Variants in PTPRJ observed in about 807,000 individuals in gnomAD.
PTPRJ encodes receptor-type tyrosine-protein phosphatase eta.
Under a neutral mutation model 141.3 loss-of-function variants are expected in PTPRJ, and 129 were observed. The ratio of observed to expected loss-of-function variants is 0.91; its 90% CI spans 0.79 to 1.06. The LOEUF is 1.06. Among genes scored for constraint, PTPRJ ranks in the 50% least tolerant of loss-of-function variants. The pLI is 0.00. For missense variants in PTPRJ, 1,601 were observed against 1,679.7 expected (o/e 0.95, Z 0.82); for synonymous variants, 610 against 640.5 (o/e 0.95, Z 0.72).
chr11:48,036,811 C>T lies in PTPRJ; in HGVS notation c.96+55803C>T, dbSNP rs368500759. On this transcript the variant is annotated intron_variant, in intron 1 of 24. Coordinates refer to ENST00000418331, the MANE Select transcript of PTPRJ (RefSeq NM_002843.4). The stretch of plus-strand genomic sequence containing the variant: ...TTTTACCTATCAGAATTCTAGAACT[C>T]TCCCAGAGAAACCAGGCAGATACTG... Among the ~76,000 whole-genome samples, 25 of 152,324 alleles carry T rather than the reference C, an allele frequency of 1.6e-4. No homozygotes were observed. In the East Asian group the frequency reaches 2.3e-3, roughly 14 times the overall value.
At chr11:47,983,877 CT>C (rs1378795349) in intron 1 of PTPRJ, among the ~76,000 whole-genome samples, 1 of 152,032 alleles carries the variant, frequency 6.6e-6, no homozygotes, top group Admixed American at 6.6e-5. Context: ...TTTATCTTCA[CT>C]TTCTTGTTTC....
chr11:48,017,785 A>G (rs1854989441), intron 1 of PTPRJ, among the ~76,000 whole-genome samples: 1 of 152,208 alleles, frequency 6.6e-6, no homozygotes, highest in Non-Finnish European at 1.5e-5. Flanking sequence ...TGGGTGATGG[A>G]CCAGAGATAA....
At position 48,145,180 on chromosome 11, in the gene PTPRJ, C is replaced by A. The variant is rs1205771291; in HGVS notation, c.2911+56C>A. 6 of 1,607,596 alleles carry A rather than the reference C, an allele frequency of 3.7e-6. No homozygotes were observed. In the Admixed American group the frequency reaches 1.0e-4, roughly 27 times the overall value. ...TTCAGTGGCATTTTGCTCCACGTGTCCATAGAAGGCCAGCTGTGTACATGC... is the reference window on the plus strand; with the variant it reads ...TTCAGTGGCATTTTGCTCCACGTGTACATAGAAGGCCAGCTGTGTACATGC... On this transcript the variant is annotated intron_variant, in intron 14 of 24. Transcript: ENST00000418331.
intron 1 of PTPRJ, among the ~76,000 whole-genome samples, chr11:48,101,231 C>T (rs761807473): frequency 3.9e-5 from 6 of 152,150 alleles, no homozygotes; most frequent in South Asian, 2.1e-4. Context: ...GTCACGGGTC[C>T]GGGGACATCC....
At chr11:48,136,878 C>A in intron 9 of PTPRJ, 125 bp from the exon 10 acceptor site, 1 of 956,924 alleles carries the variant, frequency 1.0e-6, no homozygotes. Context: ...ATCTTTTGAG[C>A]CAGCAAATAC....
chr11:48,025,692 C>T (rs1240411724), intron 1 of PTPRJ, among the ~76,000 whole-genome samples: 1 of 152,250 alleles, frequency 6.6e-6, no homozygotes, highest in Non-Finnish European at 1.5e-5. Flanking sequence ...CTGCTCCCTA[C>T]AGCTTAAGTC....
chr11:48,055,807 C>T (rs906644510), intron 1 of PTPRJ, among the ~76,000 whole-genome samples: 2 of 152,232 alleles, frequency 1.3e-5, no homozygotes, highest in African/African-American at 4.8e-5. Flanking sequence ...ACGCTGCTAG[C>T]TTGCTTGGCT....
intron 1 of PTPRJ, among the ~76,000 whole-genome samples, chr11:48,100,129 C>A (rs1401328748): frequency 6.6e-6 from 1 of 152,108 alleles, no homozygotes; most frequent in Non-Finnish European, 1.5e-5. Flanking sequence ...GGTGGGGTGG[C>A]TGCCTTGGGG....
At chr11:48,090,750 G>T (rs1400628918) in intron 1 of PTPRJ, among the ~76,000 whole-genome samples, 1 of 152,152 alleles carries the variant, frequency 6.6e-6, no homozygotes, top group Non-Finnish European at 1.5e-5. Flanking sequence ...CCTGAGAAGA[G>T]CATGGGCCAC....
At chr11:48,038,449 C>A (rs554412958) in intron 1 of PTPRJ, among the ~76,000 whole-genome samples, 47 of 151,986 alleles carry the variant, frequency 3.1e-4, no homozygotes, top group Non-Finnish European at 5.7e-4. Context: ...ATGATGGTTT[C>A]ATCTTTAAGA....
At chr11:48,166,437 CT>C (rs1036100464) in intron 24 of PTPRJ, among the ~76,000 whole-genome samples, 28 of 152,048 alleles carry the variant, frequency 1.8e-4, no homozygotes, top group African/African-American at 5.3e-4. Context: ...CCTCAGCCTC[CT>C]GAGTAGCTGG....
At chr11:48,028,329 A>G (rs78076539) in intron 1 of PTPRJ, among the ~76,000 whole-genome samples, 1,762 of 152,290 alleles carry the variant, frequency 0.012, 36 homozygotes, top group African/African-American at 0.04. Context: ...GTAGCCCATC[A>G]TGCAGTTCTT....
At chr11:48,076,300 G>A (rs1444213561) in intron 1 of PTPRJ, among the ~76,000 whole-genome samples, 1 of 152,122 alleles carries the variant, frequency 6.6e-6, no homozygotes, top group Non-Finnish European at 1.5e-5. Flanking sequence ...ATGGTGTTTT[G>A]CACATTCATT....
intron 1 of PTPRJ, among the ~76,000 whole-genome samples, chr11:48,020,604 A>G (rs1223994692): frequency 6.6e-6 from 1 of 152,148 alleles, no homozygotes; most frequent in Non-Finnish European, 1.5e-5. Context: ...CTGCAGCCGG[A>G]CATGGCTCAG....
intron 1 of PTPRJ, among the ~76,000 whole-genome samples, chr11:48,000,922 A>G (rs1241488309): frequency 2.0e-5 from 3 of 150,890 alleles, no homozygotes; most frequent in Admixed American, 1.3e-4. Flanking sequence ...CCACCCTGAC[A>G]TGGAGCTGGT....
chr11:47,982,785 C>G (rs866948231), intron 1 of PTPRJ, among the ~76,000 whole-genome samples: 6 of 152,086 alleles, frequency 3.9e-5, no homozygotes, highest in East Asian at 1.9e-4. Context: ...ATTGCTTGCT[C>G]AATCCTTCCT....
At chr11:48,127,387 G>C (rs35153647) in intron 6 of PTPRJ, among the ~76,000 whole-genome samples, 2 of 152,128 alleles carry the variant, frequency 1.3e-5, no homozygotes, top group African/African-American at 4.8e-5. Flanking sequence ...GGCCTGCCTC[G>C]TCCTGACTTC....
At chr11:48,055,974 A>G (rs1372863918) in intron 1 of PTPRJ, among the ~76,000 whole-genome samples, 1 of 152,228 alleles carries the variant, frequency 6.6e-6, no homozygotes, top group Non-Finnish European at 1.5e-5. Context: ...TTCTCAGAGA[A>G]GCCGGAGCTG....
intron 8 of PTPRJ, among the ~76,000 whole-genome samples, chr11:48,134,235 A>G (rs1244875790): frequency 6.6e-6 from 1 of 152,234 alleles, no homozygotes; most frequent in East Asian, 1.9e-4. Flanking sequence ...TATTATACAA[A>G]TACTTTTATT....
Sources: gnomAD v4.1 joint callset for allele counts (sites outside exome capture counted in the v4.1 genomes callset) on GRCh38, gnomAD v4.1.1 for gene constraint, MANE v1.5 for transcripts, NCBI Gene and HGNC (gene_info 2026-07-23, HGNC 2026-07-21) for gene names.